Variants in CLIP4 observed in about 807,000 individuals in gnomAD.
CLIP4 encodes CAP-Gly domain containing linker protein family member 4, also known as CAP-Gly domain-containing linker protein 4.
In CLIP4, 47 loss-of-function variants were observed where a neutral mutation model predicts 73.1. That is an observed-to-expected ratio of 0.64 (90% CI 0.51 to 0.82). CLIP4 has a LOEUF of 0.82. Ranked by LOEUF, CLIP4 falls within the 40% of genes least tolerant of loss-of-function variation. The pLI is 0.00. For synonymous variants in CLIP4, 306 were observed against 295.4 expected (o/e 1.04, Z -0.37); for missense variants, 874 against 852.9 (o/e 1.02, Z -0.31).
rs145794181 is a variant in CLIP4 at position 29,181,186 on chromosome 2, A to T, written c.1797-386A>T. Among the ~76,000 whole-genome samples, 1,130 of 152,350 alleles carry T rather than the reference A, an allele frequency of 7.4e-3. 12 individuals carry two copies. Among genetic ancestry groups the T allele is most frequent in the African/African-American group, 0.026 (1,072 of 41,578 alleles). On this transcript the variant is annotated intron_variant, in intron 15 of 15. Transcript: ENST00000320081. The stretch of plus-strand genomic sequence containing the variant: ...GTATTTTTACTATAAAGAGAAAAAA[A>T]TGTTAAAGTCATAGGGAAAATATAT...
intron 8 of CLIP4, among the ~76,000 whole-genome samples, chr2:29,152,226 G>A (rs1259717988): frequency 6.6e-6 from 1 of 152,088 alleles, no homozygotes; most frequent in Admixed American, 6.5e-5. Context: ...GTTGTAAGTT[G>A]GCATGGAAGA....
chr2:29,107,114 T>G (rs1200596097), intron 1 of CLIP4, among the ~76,000 whole-genome samples: 1 of 152,108 alleles, frequency 6.6e-6, no homozygotes, highest in African/African-American at 2.4e-5. Context: ...GCAAGCTGCT[T>G]TCTACCTACT....
At chr2:29,160,285 TC>T in intron 11 of CLIP4, 47 bp from the exon 12 acceptor site, 1 of 1,612,990 alleles carries the variant, frequency 6.2e-7, no homozygotes, top group Non-Finnish European at 8.5e-7. Context: ...CTTTGTTTTT[TC>T]TCCTCTTTTC....
chr2:29,150,117 A>G (rs1390766482), intron 8 of CLIP4, among the ~76,000 whole-genome samples: 11 of 152,220 alleles, frequency 7.2e-5, no homozygotes, highest in African/African-American at 2.7e-4. Context: ...GAGAAAGCCA[A>G]CATGCTACAT....
At chr2:29,146,675 A>G (rs1572952237) in intron 8 of CLIP4, among the ~76,000 whole-genome samples, 1 of 152,012 alleles carries the variant, frequency 6.6e-6, no homozygotes, top group African/African-American at 2.4e-5. Flanking sequence ...GTGTGGTATG[A>G]TGATGATGAT....
At position 29,144,057 on chromosome 2, in the gene CLIP4, G is replaced by A; in HGVS notation, c.885+112G>A. 3.9e-6 allele frequency: 3 copies of A among 774,046 alleles called. No homozygotes were observed. The South Asian group carries it at 4.9e-5, about 13-fold the overall frequency. The allele number at this position is 774,046 out of a possible 1,614,324, so 47.9% of individuals were successfully genotyped here. A position where few individuals can be genotyped will look rare whatever the true frequency, so the allele number is the denominator to read the frequency against. ...TTTTTGAAAAAGGTTCAACATGTAG[G>A]TAGAAAGATGCTTAATGGAAAATGT... On this transcript the variant is annotated intron_variant, in intron 7 of 15. Transcript: ENST00000320081.
Position 29,181,886 on chromosome 2 carries a change from A to G in CLIP4, c.2111A>G (p.Asn704Ser), listed in dbSNP as rs1218329005. The G allele has an allele frequency of 2.5e-6, 4 of 1,599,778 alleles. No individual in the cohort carries two copies. The highest frequency in any genetic ancestry group is 1.3e-5 in the African/African-American group (1 of 74,502). The change falls in exon 16 of 16, where the codon AAT (asparagine) becomes AGT (serine). Residue 704 changes from asparagine to serine, a missense_variant. Coordinates refer to ENST00000320081, the MANE Select transcript of CLIP4 (RefSeq NM_024692.6). Reference sequence around the variant, plus strand: ...AATGGGTCAAAACTTGTGGATGAGAATTGTTAAGCTTCTAAAATATTAAAT... The same window carrying G: ...AATGGGTCAAAACTTGTGGATGAGAGTTGTTAAGCTTCTAAAATATTAAAT... ...GINGSKLVDE[N>S]C
upstream of CLIP4, among the ~76,000 whole-genome samples, chr2:29,111,411 C>T (rs1199837340): frequency 6.6e-6 from 1 of 152,130 alleles, no homozygotes; most frequent in East Asian, 1.9e-4. Flanking sequence ...TGGAAATTGG[C>T]AAACACTGTA....
chr2:29,150,999 G>A (rs77192068), intron 8 of CLIP4, among the ~76,000 whole-genome samples: 8,922 of 152,036 alleles, frequency 0.059, 312 homozygotes, highest in Non-Finnish European at 0.072. Flanking sequence ...GTGGTTTATG[G>A]ATATAGTGAA....
At chr2:29,111,272 G>A (rs1668380507), upstream of CLIP4, among the ~76,000 whole-genome samples, 1 of 152,212 alleles carries the variant, frequency 6.6e-6, no homozygotes, top group Non-Finnish European at 1.5e-5. Context: ...CATGCTGGTG[G>A]GTGAAGCAGT....
At chr2:29,164,518 T>A (rs1424935334) in intron 13 of CLIP4, among the ~76,000 whole-genome samples, 1 of 152,202 alleles carries the variant, frequency 6.6e-6, no homozygotes, top group East Asian at 1.9e-4. Flanking sequence ...TTTTAAAAAA[T>A]AAGTTGAGCA....
intron 11 of CLIP4, among the ~76,000 whole-genome samples, chr2:29,158,785 A>G (rs578042463): frequency 1.6e-4 from 25 of 152,304 alleles, no homozygotes; most frequent in African/African-American, 6.0e-4. Context: ...TTTATTTTTT[A>G]TTAAAGACAA....
chr2:29,127,679 C>G (rs1236897761), intron 2 of CLIP4, among the ~76,000 whole-genome samples: 4 of 152,074 alleles, frequency 2.6e-5, no homozygotes, highest in Admixed American at 2.0e-4. Flanking sequence ...GAAATTCTTA[C>G]CCAGTCCAAT....
intron 2 of CLIP4, among the ~76,000 whole-genome samples, chr2:29,124,132 A>G (rs995711396): frequency 1.5e-4 from 23 of 151,790 alleles, no homozygotes; most frequent in South Asian, 2.1e-4. Context: ...ATCTGATACC[A>G]TTTCCTTCCG....
At chr2:29,130,510 G>A (rs1228527391) in intron 2 of CLIP4, 9 of 410,366 alleles carry the variant, frequency 2.2e-5, no homozygotes, top group Non-Finnish European at 3.0e-5. Flanking sequence ...TTCATGTGCA[G>A]TTTAAGTAGG....
rs755004717 is a variant in CLIP4 at position 29,181,707 on chromosome 2, C to T, written c.1932C>T (p.Gly644=). The T allele has an allele frequency of 1.1e-5, 17 of 1,614,044 alleles. No individual in the cohort carries two copies. In the South Asian group the frequency reaches 1.9e-4, roughly 18 times the overall value. ...SNEMGTVRYV[G]PTDFASGIWL... is the part of the protein sequence containing the mutation. ...AGATGGGTACTGTTAGGTATGTGGG[C>T]CCCACTGACTTTGCTTCAGGTATCT... The change falls in exon 16 of 16, where the codon GGC becomes GGT. Residue 644 remains glycine, a synonymous_variant. Coordinates refer to ENST00000320081, the MANE Select transcript of CLIP4 (RefSeq NM_024692.6).
chr2:29,167,637 A>C, intron 14 of CLIP4, 97 bp downstream of exon 14: 5 of 798,180 alleles, frequency 6.3e-6, no homozygotes, highest in Non-Finnish European at 9.7e-6. Context: ...AAGGGTCTAT[A>C]AACTGTATTT....
chr2:29,120,765 G>A (rs1664197831), intron 1 of CLIP4, among the ~76,000 whole-genome samples: 1 of 152,246 alleles, frequency 6.6e-6, no homozygotes, highest in South Asian at 2.1e-4. Context: ...GGAAAAAGAG[G>A]TAATATAAGC....
Position 29,182,029 on chromosome 2 carries a change from C to T in CLIP4, c.*136C>T, listed in dbSNP as rs998993267. On this transcript the variant is annotated 3_prime_UTR_variant, in exon 16 of 16. Coordinates refer to ENST00000320081, the MANE Select transcript of CLIP4 (RefSeq NM_024692.6). ...CTTCTTAAAAACCATTATAACAATT[C>T]AGAGAGAGTTCTTTACAAAGCCATG... The T allele has an allele frequency of 1.6e-4, 106 of 678,186 alleles. No homozygotes were observed. The highest frequency in any genetic ancestry group is 4.2e-4 in the Middle Eastern group (1 of 2,408). The allele number at this position is 678,186 out of a possible 1,614,324, so 42.0% of individuals were successfully genotyped here. A position where few individuals can be genotyped will look rare whatever the true frequency, so the allele number is the denominator to read the frequency against.
Sources: allele counts gnomAD v4.1 joint callset (sites outside exome capture counted in the v4.1 genomes callset), GRCh38; gene constraint gnomAD v4.1.1; transcripts MANE v1.5; gene names NCBI Gene and HGNC (gene_info 2026-07-23, HGNC 2026-07-21).